NELL1: variants seen among roughly 807,000 people sequenced by gnomAD.
The protein encoded by NELL1 is neural EGFL like 1.
In NELL1, 76 loss-of-function variants were observed where a neutral mutation model predicts 107.4. The observed-to-expected ratio is 0.71, with a 90% CI of 0.59 to 0.86. The LOEUF is 0.86. NELL1 is among the 40% of genes least tolerant of loss of function. The pLI, the probability that NELL1 is intolerant of heterozygous loss-of-function variation, is 0.00. For synonymous variants in NELL1, 353 were observed against 341.2 expected, an observed-to-expected ratio of 1.03 and a Z score of -0.38; for missense variants, 1,024 against 1,005.5, an observed-to-expected ratio of 1.02 and a Z score of -0.25.
At position 21,239,428 on chromosome 11, in the gene NELL1, C is replaced by T. The variant is rs557446275; in HGVS notation, c.1549+9974C>T. Reference sequence around the variant, plus strand: ...CCAAGATACTGCCATATACATCTACCCACCCAAGTGTGGCATGTGCTCTTG... The same window carrying T: ...CCAAGATACTGCCATATACATCTACTCACCCAAGTGTGGCATGTGCTCTTG... On this transcript the variant is annotated intron_variant, in intron 14 of 19. Transcript: ENST00000357134. Among the ~76,000 whole-genome samples the T allele has an allele frequency of 6.6e-5, 10 of 152,080 alleles. No individual in the cohort carries two copies. In the South Asian group the frequency reaches 2.1e-3, roughly 32 times the overall value.
At position 21,329,433 on chromosome 11, in the gene NELL1, C is replaced by T. The variant is rs139445991; in HGVS notation, c.1550-41420C>T. 3.4e-3 allele frequency among the ~76,000 whole-genome samples: 516 copies of T among 152,188 alleles called. 10 individuals carry two copies. In the South Asian group the frequency reaches 0.053, roughly 16 times the overall value. On this transcript the variant is annotated intron_variant, in intron 14 of 19. Transcript: ENST00000357134. ...TAAACTTCTTTCCACTATAAATTACCCAGTCTTGAGTATGCCTTTATTAGC... is the reference window on the plus strand; with the variant it reads ...TAAACTTCTTTCCACTATAAATTACTCAGTCTTGAGTATGCCTTTATTAGC...
intron 10 of NELL1, among the ~76,000 whole-genome samples, chr11:20,938,729 G>A (rs1372404394): frequency 6.6e-6 from 1 of 152,120 alleles, no homozygotes; most frequent in East Asian, 1.9e-4. Flanking sequence ...AAGCAATAAA[G>A]GGAGCAGGTT....
intron 13 of NELL1, among the ~76,000 whole-genome samples, chr11:21,224,463 C>T (rs1857841734): frequency 1.3e-5 from 2 of 151,722 alleles, no homozygotes; most frequent in Admixed American, 1.3e-4. Context: ...CCAAGCTATC[C>T]TCCTGTCTCA....
chr11:21,575,235 G>T lies in NELL1; in HGVS notation c.*213G>T. ...TAACCTAGTCTAGGTGACCTACAGT[G>T]CCGTGCATTTAAGTCAATGGTTGTT... On this transcript the variant is annotated 3_prime_UTR_variant, in exon 20 of 20. Transcript: ENST00000357134. 3.8e-6 allele frequency: 2 copies of T among 526,474 alleles called. No homozygotes were observed. The highest frequency in any genetic ancestry group is 5.3e-5 in the South Asian group (2 of 37,886). The allele number at this position is 526,474 out of a possible 1,614,324, so 32.6% of individuals were successfully genotyped here.
At chr11:21,518,136 G>C (rs75347016) in intron 15 of NELL1, among the ~76,000 whole-genome samples, 1 of 55,890 alleles carries the variant, frequency 1.8e-5, no homozygotes, top group African/African-American at 4.1e-5. Flanking sequence ...CCAACTCACT[G>C]AAGAAAAAAA....
At chr11:20,884,674 A>T in intron 4 of NELL1, among the ~76,000 whole-genome samples, 1 of 152,078 alleles carries the variant, frequency 6.6e-6, no homozygotes, top group East Asian at 1.9e-4. Context: ...AACTTCAAAG[A>T]TCCTAGGTAG....
intron 2 of NELL1, among the ~76,000 whole-genome samples, chr11:20,782,058 A>C (rs1856862003): frequency 6.6e-6 from 1 of 151,532 alleles, no homozygotes; most frequent in Non-Finnish European, 1.5e-5. Context: ...AAAAAATAAT[A>C]ATGATAATAA....
At chr11:21,354,118 A>G (rs528720815) in intron 14 of NELL1, among the ~76,000 whole-genome samples, 207 of 152,306 alleles carry the variant, frequency 1.4e-3, no homozygotes, top group African/African-American at 4.9e-3. Context: ...CGCAGTTTCT[A>G]GATGAGCCCA....
chr11:20,986,141 C>G (rs1203550965), intron 12 of NELL1, among the ~76,000 whole-genome samples: 1 of 152,114 alleles, frequency 6.6e-6, no homozygotes, highest in Non-Finnish European at 1.5e-5. Flanking sequence ...GCCATGCTAC[C>G]CTCCGCTCCC....
intron 13 of NELL1, among the ~76,000 whole-genome samples, chr11:21,149,745 T>C (rs1856071403): frequency 6.6e-6 from 1 of 152,104 alleles, no homozygotes; most frequent in Non-Finnish European, 1.5e-5. Context: ...CGTAAATAAA[T>C]GGGATGCACA....
chr11:21,574,832 G>T, intron 19 of NELL1, 140 bp from the exon 20 acceptor site: 2 of 667,284 alleles, frequency 3.0e-6, no homozygotes, highest in South Asian at 3.9e-5. Flanking sequence ...TTTTTTCCTA[G>T]CATTTTTTTC....
chr11:21,445,612 G>A (rs775245794), intron 15 of NELL1, among the ~76,000 whole-genome samples: 7 of 152,156 alleles, frequency 4.6e-5, no homozygotes, highest in Non-Finnish European at 8.8e-5. Flanking sequence ...GATTATAGGC[G>A]TGAGCCACAG....
intron 14 of NELL1, among the ~76,000 whole-genome samples, chr11:21,273,523 C>T (rs923699592): frequency 2.6e-5 from 4 of 152,118 alleles, no homozygotes; most frequent in African/African-American, 9.7e-5. Flanking sequence ...GCAAGGCAGG[C>T]CAACATTCAA....
chr11:21,079,834 A>G (rs980003680), intron 12 of NELL1, among the ~76,000 whole-genome samples: 4 of 152,082 alleles, frequency 2.6e-5, no homozygotes, highest in African/African-American at 9.7e-5. Context: ...GTTAAGGAAA[A>G]TTGAAAGGGG....
At chr11:21,228,710 T>TC in intron 13 of NELL1, among the ~76,000 whole-genome samples, 1 of 1,552 alleles carries the variant, frequency 6.4e-4, no homozygotes, top group Non-Finnish European at 1.4e-3. Flanking sequence ...TTCCCTCCCC[T>TC]CCCACCCCTC....
intron 12 of NELL1, among the ~76,000 whole-genome samples, chr11:21,062,824 A>C (rs752929956): frequency 1.8e-4 from 28 of 151,714 alleles, no homozygotes; most frequent in Non-Finnish European, 3.2e-4. Context: ...TTGTTTATTT[A>C]TTTATTTATT....
chr11:21,175,482 G>T (rs1228494105), intron 13 of NELL1, among the ~76,000 whole-genome samples: 1 of 151,776 alleles, frequency 6.6e-6, no homozygotes, highest in Non-Finnish European at 1.5e-5. Context: ...TCAAATTCAT[G>T]ATGAATTTTA....
At chr11:20,956,906 A>G (rs554827576) in intron 11 of NELL1, among the ~76,000 whole-genome samples, 1 of 152,308 alleles carries the variant, frequency 6.6e-6, no homozygotes, top group South Asian at 2.1e-4. Context: ...GGTAGATGTT[A>G]CCTATTCCTT....
chr11:21,512,465 G>A (rs1196370184), intron 15 of NELL1, among the ~76,000 whole-genome samples: 2 of 151,986 alleles, frequency 1.3e-5, no homozygotes, highest in African/African-American at 4.8e-5. Context: ...TACTTACAGT[G>A]CTTGATATAT....
Sources: gnomAD v4.1 joint callset for allele counts (sites outside exome capture counted in the v4.1 genomes callset) on GRCh38, gnomAD v4.1.1 for gene constraint, MANE v1.5 for transcripts, NCBI Gene and HGNC (gene_info 2026-07-23, HGNC 2026-07-21) for gene names.